The following KIAA0586 variants were observed in gnomAD, a reference collection of about 807,000 sequenced individuals.
KIAA0586 encodes protein TALPID3.
Under a neutral mutation model 169.8 loss-of-function variants are expected in KIAA0586, and 144 were observed. The ratio of observed to expected loss-of-function variants is 0.85; its 90% CI spans 0.74 to 0.97. The LOEUF (loss-of-function observed/expected upper bound fraction) is 0.97, where lower values mean the gene tolerates loss of function less well. Ranked by LOEUF, KIAA0586 falls within the 50% of genes least tolerant of loss-of-function variation. KIAA0586 has a pLI of 0.00. For synonymous variants in KIAA0586, 625 were observed against 612.4 expected (o/e 1.02, Z -0.30); for missense variants, 1,854 against 1,823.0 (o/e 1.02, Z -0.31).
rs907814338 is a variant in KIAA0586 at position 58,466,030 on chromosome 14, G to A, written c.2254+1G>A. ...CTGATTCCTATGGCAATTCTTTTAG[G>A]TAAGAATCAACAAAATATGTGGGAT... On this transcript the variant is annotated splice_donor_variant, in intron 15 of 30. Coordinates refer to ENST00000652326, the MANE Select transcript of KIAA0586 (RefSeq NM_001329943.3). LOFTEE classifies it high-confidence loss of function. 6.3e-7 allele frequency: 1 copy of A among 1,579,886 alleles called. No homozygotes were observed. Among genetic ancestry groups the A allele is most frequent in the Non-Finnish European group, 8.6e-7 (1 of 1,159,130 alleles).
At chr14:58,527,987 G>A (rs2045705438) in intron 29 of KIAA0586, among the ~76,000 whole-genome samples, 1 of 152,122 alleles carries the variant, frequency 6.6e-6, no homozygotes, top group Non-Finnish European at 1.5e-5. Flanking sequence ...GCACAGATAG[G>A]CTCAAAATAA....
downstream of KIAA0586, among the ~76,000 whole-genome samples, chr14:58,555,381 G>A (rs1211514404): frequency 2.0e-5 from 3 of 152,084 alleles, no homozygotes; most frequent in Admixed American, 1.3e-4. Context: ...GATTACAGGC[G>A]TGAGCCACCG....
chr14:58,453,531 C>A, intron 9 of KIAA0586, 58 bp downstream of exon 9: 3 of 1,244,142 alleles, frequency 2.4e-6, no homozygotes, highest in Non-Finnish European at 3.2e-6. Flanking sequence ...TAAGATTTTT[C>A]AAATTTCTTT....
chr14:58,432,499 T>A, intron 4 of KIAA0586, 42 bp downstream of exon 4: 1 of 1,055,672 alleles, frequency 9.5e-7, no homozygotes, highest in African/African-American at 1.6e-5. Context: ...ATTTCTTATG[T>A]AAATCAGCTT....
intron 27 of KIAA0586, among the ~76,000 whole-genome samples, chr14:58,506,613 G>C (rs1266622446): frequency 6.6e-6 from 1 of 151,862 alleles, no homozygotes; most frequent in Non-Finnish European, 1.5e-5. Flanking sequence ...CTTGAACCCG[G>C]GAGGTGGAGG....
At chr14:58,543,550 G>A (rs2046798597) in intron 30 of KIAA0586, among the ~76,000 whole-genome samples, 1 of 152,154 alleles carries the variant, frequency 6.6e-6, no homozygotes, top group African/African-American at 2.4e-5. Flanking sequence ...CCTCACATCA[G>A]CAGTCTGGGT....
chr14:58,560,390 C>T, the KIAA0586 span, among the ~76,000 whole-genome samples: 16 of 152,134 alleles, frequency 1.1e-4, no homozygotes, highest in Non-Finnish European at 2.1e-4. Context: ...CTCATGTATG[C>T]CGGATTGTTG....
intron 26 of KIAA0586, among the ~76,000 whole-genome samples, chr14:58,495,931 C>A (rs1358610417): frequency 6.6e-6 from 1 of 152,068 alleles, no homozygotes; most frequent in Non-Finnish European, 1.5e-5. Context: ...TTGCCCCTAG[C>A]TGTATGAGAT....
chr14:58,521,300 T>C lies in KIAA0586; in HGVS notation c.4429+8673T>C, dbSNP rs995127989. 1.5e-5 allele frequency: 17 copies of C among 1,137,712 alleles called. No homozygotes were observed. In the African/African-American group the frequency reaches 2.6e-4, roughly 18 times the overall value. 70.5% of individuals were successfully genotyped at this position (1,137,712 alleles called of 1,614,324 possible). A position where few individuals can be genotyped will look rare whatever the true frequency, so the allele number is the denominator to read the frequency against. On this transcript the variant is annotated intron_variant, in intron 29 of 30. Transcript: ENST00000652326. ...TGTTCATTGGGAATCTCAACACTCTTGTGCTCCAGAAATCTGATGTGGAGG... is the reference window on the plus strand; with the variant it reads ...TGTTCATTGGGAATCTCAACACTCTCGTGCTCCAGAAATCTGATGTGGAGG...
intron 29 of KIAA0586, among the ~76,000 whole-genome samples, chr14:58,513,984 T>G (rs1282057395): frequency 6.6e-6 from 1 of 152,096 alleles, no homozygotes; most frequent in East Asian, 1.9e-4. Context: ...ATGTTTTACA[T>G]TTAATTTTAC....
intron 27 of KIAA0586, 72 bp downstream of exon 27, chr14:58,499,032 A>G: frequency 7.5e-7 from 1 of 1,331,882 alleles, no homozygotes; most frequent in East Asian, 2.6e-5. Flanking sequence ...AAGTATACCT[A>G]TTTTCAGATA....
intron 13 of KIAA0586, among the ~76,000 whole-genome samples, chr14:58,460,711 A>G (rs2040252429): frequency 6.6e-6 from 1 of 152,148 alleles, no homozygotes; most frequent in Admixed American, 6.5e-5. Context: ...ATAAATATGT[A>G]AAATGTGTTT....
intron 5 of KIAA0586, among the ~76,000 whole-genome samples, chr14:58,443,455 C>G (rs1205300875): frequency 6.6e-6 from 1 of 152,250 alleles, no homozygotes; most frequent in African/African-American, 2.4e-5. Context: ...CGGAGTCTCA[C>G]TCTGTTGCCC....
rs566797167 is a variant in KIAA0586, at chr14:58,521,076, C to T, written c.4429+8449C>T. 100 of 418,500 alleles carry T rather than the reference C, an allele frequency of 2.4e-4. 1 individual carries two copies. The highest frequency in any genetic ancestry group is 2.3e-3 in the South Asian group (91 of 39,232). 25.9% of individuals were successfully genotyped at this position (418,500 alleles called of 1,614,324 possible). A position where few individuals can be genotyped will look rare whatever the true frequency, so the allele number is the denominator to read the frequency against. ...GACTGAGCGGTTGTGGCCGCCTTGC[C>T]GACCTTGAGCAGCAGTTGGCTTCTC... On this transcript the variant is annotated intron_variant, in intron 29 of 30. Coordinates refer to ENST00000652326, the MANE Select transcript of KIAA0586 (RefSeq NM_001329943.3).
At chr14:58,480,783 A>T (rs2041980485) in intron 20 of KIAA0586, among the ~76,000 whole-genome samples, 1 of 152,200 alleles carries the variant, frequency 6.6e-6, no homozygotes, top group Non-Finnish European at 1.5e-5. Flanking sequence ...CATAGCTCAC[A>T]TGCCTCCTTC....
intron 29 of KIAA0586, chr14:58,521,276 G>T: frequency 8.8e-7 from 1 of 1,140,688 alleles, no homozygotes. Flanking sequence ...ACTCCCGTGT[G>T]TTCATTGGGA....
chr14:58,545,880 A>T (rs879820136), intron 30 of KIAA0586, among the ~76,000 whole-genome samples: 3 of 151,688 alleles, frequency 2.0e-5, no homozygotes, highest in Non-Finnish European at 4.4e-5. Flanking sequence ...AAAAATTTTT[A>T]AAAATTAGCC....
rs774350419 is a variant in KIAA0586 at position 58,547,978 on chromosome 14, G to T, written c.*46G>T. On this transcript the variant is annotated 3_prime_UTR_variant, in exon 31 of 31. Transcript: ENST00000652326. ...CAGTGTTTATGCCACTGGTTTTAAA[G>T]TCATTTTACCTTGGCTTAAAACCCT... 6.3e-7 allele frequency: 1 copy of T among 1,598,320 alleles called. No homozygotes were observed.
At chr14:58,498,321 G>A (rs1566902733) in intron 26 of KIAA0586, among the ~76,000 whole-genome samples, 1 of 152,028 alleles carries the variant, frequency 6.6e-6, no homozygotes, top group Admixed American at 6.6e-5. Context: ...GACTACAGGT[G>A]TGTGCTGTGA....
Sources: gnomAD v4.1 joint callset for allele counts (sites outside exome capture counted in the v4.1 genomes callset) on GRCh38, gnomAD v4.1.1 for gene constraint, MANE v1.5 for transcripts, NCBI Gene and HGNC (gene_info 2026-07-23, HGNC 2026-07-21) for gene names.